SLC24A2: variants seen among roughly 807,000 people sequenced by gnomAD.
SLC24A2 encodes the protein solute carrier family 24 member 2.
A neutral mutation model predicts 62.0 loss-of-function variants in SLC24A2; 36 were observed. The observed-to-expected ratio is 0.58, with a 90% CI of 0.44 to 0.77. SLC24A2 has a LOEUF of 0.77. Among genes scored for constraint, SLC24A2 ranks in the 30% least tolerant of loss-of-function variants. The pLI, the probability that SLC24A2 is intolerant of heterozygous loss-of-function variation, is 0.00. For missense variants in SLC24A2, 846 were observed against 817.9 expected, an observed-to-expected ratio of 1.03 and a Z score of -0.42; for synonymous variants, 358 against 294.0, an observed-to-expected ratio of 1.22 and a Z score of -2.23.
the SLC24A2 span, among the ~76,000 whole-genome samples, chr9:19,831,024 G>A: frequency 6.6e-6 from 1 of 152,150 alleles, no homozygotes; most frequent in Non-Finnish European, 1.5e-5. Context: ...TCCTCACTTG[G>A]TGGAAGGAAA....
At chr9:20,163,108 A>G in the SLC24A2 span, among the ~76,000 whole-genome samples, 2 of 152,154 alleles carry the variant, frequency 1.3e-5, no homozygotes, top group African/African-American at 4.8e-5. Flanking sequence ...CCTATTCAAC[A>G]TAGTGTTGGA....
chr9:19,740,774 C>T (rs2118764053), intron 2 of SLC24A2, among the ~76,000 whole-genome samples: 1 of 151,624 alleles, frequency 6.6e-6, no homozygotes, highest in East Asian at 1.9e-4. Flanking sequence ...TGGCCAAATG[C>T]TTACAATTGT....
the SLC24A2 span, among the ~76,000 whole-genome samples, chr9:20,036,754 G>T: frequency 6.6e-6 from 1 of 152,022 alleles, no homozygotes. Context: ...GGATGCCGGA[G>T]GATACCACAA....
intron 2 of SLC24A2, among the ~76,000 whole-genome samples, chr9:19,738,601 T>C (rs1445084362): frequency 6.6e-6 from 1 of 152,176 alleles, no homozygotes; most frequent in East Asian, 1.9e-4. Flanking sequence ...AGTATCATTA[T>C]TATTTTCAAA....
In SLC24A2 at chr9:19,641,517, A is replaced by ATT. The variant is rs5896853; in HGVS notation, c.931-19220_931-19219dup. Among the ~76,000 whole-genome samples the ATT allele has an allele frequency of 5.6e-3, 799 of 143,040 alleles. 6 individuals carry two copies. The highest frequency in any genetic ancestry group is 7.7e-3 in the Non-Finnish European group (506 of 65,942). 93.8% of individuals were successfully genotyped at this position (143,040 alleles called of 152,430 possible). A position where few individuals can be genotyped will look rare whatever the true frequency, so the allele number is the denominator to read the frequency against. On this transcript the variant is annotated intron_variant, in intron 2 of 10. Transcript: ENST00000341998. ...CTTGTTTATTTTAGGTTACTTAAACATTTTTTTTTTTTTTTGAGATGGAGT... is the reference window on the plus strand; with the variant it reads ...CTTGTTTATTTTAGGTTACTTAAACATTTTTTTTTTTTTTTTTGAGATGGAGT...
chr9:19,900,715 C>T, the SLC24A2 span, among the ~76,000 whole-genome samples: 1 of 152,326 alleles, frequency 6.6e-6, no homozygotes, highest in Non-Finnish European at 1.5e-5. Flanking sequence ...TACAGGAAGA[C>T]TTCAAGGAAA....
intron 5 of SLC24A2, among the ~76,000 whole-genome samples, chr9:19,587,018 G>C (rs1836395597): frequency 6.6e-6 from 1 of 152,128 alleles, no homozygotes; most frequent in Non-Finnish European, 1.5e-5. Flanking sequence ...CATATCCTAA[G>C]ACCTGCCAGC....
chr9:19,874,075 C>CTTTTTTTTT, the SLC24A2 span, among the ~76,000 whole-genome samples: 20 of 107,282 alleles, frequency 1.9e-4, no homozygotes, highest in East Asian at 5.2e-4. Flanking sequence ...CTTTTCTTTT[C>CTTTTTTTTT]TTTTTTTTTT....
At chr9:19,708,661 T>C (rs1820612341) in intron 2 of SLC24A2, among the ~76,000 whole-genome samples, 1 of 152,210 alleles carries the variant, frequency 6.6e-6, no homozygotes, top group African/African-American at 2.4e-5. Flanking sequence ...GGGGAAAGGA[T>C]TCCCTATTTA....
At chr9:20,291,625 T>C in the SLC24A2 span, among the ~76,000 whole-genome samples, 2 of 152,308 alleles carry the variant, frequency 1.3e-5, no homozygotes, top group African/African-American at 4.8e-5. Context: ...CCACCACTTG[T>C]GCATTTGCTC....
chr9:19,734,694 G>A (rs1253355030), intron 2 of SLC24A2, among the ~76,000 whole-genome samples: 2 of 152,090 alleles, frequency 1.3e-5, no homozygotes, highest in East Asian at 1.9e-4. Context: ...TCTGTTATTG[G>A]TGTATAAGAA....
At chr9:20,240,080 A>ATG in the SLC24A2 span, among the ~76,000 whole-genome samples, 108 of 152,106 alleles carry the variant, frequency 7.1e-4, no homozygotes, top group African/African-American at 2.5e-3. Flanking sequence ...CCATGAACTG[A>ATG]TGTGTCTCCC....
the SLC24A2 span, among the ~76,000 whole-genome samples, chr9:20,274,385 T>C: frequency 3.1e-3 from 470 of 152,304 alleles, 2 homozygotes; most frequent in African/African-American, 9.2e-3. Flanking sequence ...TTGACTCTAA[T>C]TCTAAATAAG....
chr9:20,159,280 C>T, the SLC24A2 span, among the ~76,000 whole-genome samples: 1 of 151,596 alleles, frequency 6.6e-6, no homozygotes, highest in South Asian at 2.1e-4. Flanking sequence ...CTCTTAGGAG[C>T]CTTTTCAGAC....
the SLC24A2 span, among the ~76,000 whole-genome samples, chr9:19,980,116 G>C: frequency 1.3e-5 from 2 of 152,222 alleles, no homozygotes; most frequent in African/African-American, 4.8e-5. Context: ...GAGGAAGTGA[G>C]AGCTAAGTTG....
At chr9:20,235,342 G>A in the SLC24A2 span, among the ~76,000 whole-genome samples, 2 of 152,254 alleles carry the variant, frequency 1.3e-5, no homozygotes, top group Non-Finnish European at 2.9e-5. Context: ...TACAGAGGCA[G>A]GCAGGCCTCC....
At chr9:20,009,993 C>G in the SLC24A2 span, among the ~76,000 whole-genome samples, 2,939 of 152,272 alleles carry the variant, frequency 0.019, 79 homozygotes, top group African/African-American at 0.067. Context: ...AACAATAATA[C>G]TGTCTAGCCA....
At chr9:19,982,242 G>T in the SLC24A2 span, among the ~76,000 whole-genome samples, 1 of 152,176 alleles carries the variant, frequency 6.6e-6, no homozygotes, top group African/African-American at 2.4e-5. Context: ...GATTCATACT[G>T]GAAATCAAAA....
the SLC24A2 span, among the ~76,000 whole-genome samples, chr9:20,159,672 G>A: frequency 4.6e-5 from 7 of 151,276 alleles, no homozygotes; most frequent in South Asian, 2.1e-4. Flanking sequence ...GGGAATAGGT[G>A]GATGTCAGCA....
Sources: allele counts gnomAD v4.1 joint callset (sites outside exome capture counted in the v4.1 genomes callset), GRCh38; gene constraint gnomAD v4.1.1; transcripts MANE v1.5; gene names NCBI Gene and HGNC (gene_info 2026-07-23, HGNC 2026-07-21).